FBXO4: variants seen among roughly 807,000 people sequenced by gnomAD.
The protein encoded by FBXO4 is F-box only protein 4.
In FBXO4, 36 loss-of-function variants were observed where a neutral mutation model predicts 43.7. That is an observed-to-expected ratio of 0.82 (90% CI 0.63 to 1.09). FBXO4 has a LOEUF of 1.09. Among genes scored for constraint, FBXO4 ranks in the 50% least tolerant of loss-of-function variants. The pLI is 0.00. For missense variants in FBXO4, 435 were observed against 474.1 expected (o/e 0.92, Z 0.77); for synonymous variants, 180 against 165.6 (o/e 1.09, Z -0.67).
At chr5:42,024,172 A>G in the FBXO4 span, among the ~76,000 whole-genome samples, 1 of 152,080 alleles carries the variant, frequency 6.6e-6, no homozygotes, top group Non-Finnish European at 1.5e-5. Context: ...GCTAAATGAA[A>G]ATTTAATCTA....
At chr5:41,942,970 A>G (rs1185164540), downstream of FBXO4, among the ~76,000 whole-genome samples, 1 of 152,164 alleles carries the variant, frequency 6.6e-6, no homozygotes, top group Non-Finnish European at 1.5e-5. Flanking sequence ...ACTAAATGCT[A>G]GCCTTTATGA....
intron 3 of FBXO4, among the ~76,000 whole-genome samples, chr5:41,932,707 T>TG (rs780828327): frequency 1.3e-5 from 2 of 152,112 alleles, no homozygotes; most frequent in Non-Finnish European, 2.9e-5. Flanking sequence ...TATAGGAGAC[T>TG]GGTTAGAAGT....
At chr5:41,984,004 C>A in the FBXO4 span, among the ~76,000 whole-genome samples, 2 of 151,924 alleles carry the variant, frequency 1.3e-5, no homozygotes, top group African/African-American at 2.4e-5. Flanking sequence ...AATATAATTT[C>A]ATATGTTCTT....
downstream of FBXO4, among the ~76,000 whole-genome samples, chr5:41,944,215 A>G (rs763701144): frequency 4.6e-5 from 7 of 152,216 alleles, no homozygotes; most frequent in Middle Eastern, 3.2e-3. Context: ...GGAAGTTCTT[A>G]TTTAACATAT....
the FBXO4 span, among the ~76,000 whole-genome samples, chr5:41,981,887 TATCCCTCCCC>T: frequency 6.6e-6 from 1 of 150,964 alleles, no homozygotes; most frequent in Non-Finnish European, 1.5e-5. Context: ...CTCCTAATGC[TATCCCTCCCC>T]CCTCCCCTCA....
At chr5:41,939,671 T>C (rs1751951149) in intron 6 of FBXO4, 55 bp downstream of exon 6, 1 of 1,392,706 alleles carries the variant, frequency 7.2e-7, no homozygotes, top group African/African-American at 1.4e-5. Flanking sequence ...CTATTTTCTA[T>C]TTGATTTTAT....
At chr5:41,973,024 T>C in the FBXO4 span, among the ~76,000 whole-genome samples, 3 of 152,328 alleles carry the variant, frequency 2.0e-5, no homozygotes, top group African/African-American at 4.8e-5. Flanking sequence ...AAAGATTTCA[T>C]GATGAAGACT....
chr5:42,036,880 C>T, the FBXO4 span, among the ~76,000 whole-genome samples: 1 of 151,874 alleles, frequency 6.6e-6, no homozygotes, highest in Non-Finnish European at 1.5e-5. Flanking sequence ...AGAACTTTAT[C>T]ATCTTAATAT....
At chr5:42,003,289 G>A in the FBXO4 span, among the ~76,000 whole-genome samples, 2 of 152,186 alleles carry the variant, frequency 1.3e-5, no homozygotes, top group African/African-American at 4.8e-5. Flanking sequence ...GTGTGATGAA[G>A]GATGCAGTGT....
intron 6 of FBXO4, among the ~76,000 whole-genome samples, chr5:41,939,940 C>T (rs1751961429): frequency 7.1e-6 from 1 of 140,554 alleles, no homozygotes; most frequent in Non-Finnish European, 1.5e-5. Context: ...ACCTCAACCT[C>T]TTGGGCTCAG....
chr5:41,948,890 G>T, the FBXO4 span, among the ~76,000 whole-genome samples: 1 of 152,036 alleles, frequency 6.6e-6, no homozygotes, highest in Non-Finnish European at 1.5e-5. Flanking sequence ...TCATCCTGGG[G>T]TTGCAAGGCT....
At chr5:41,950,614 G>A in the FBXO4 span, among the ~76,000 whole-genome samples, 6 of 152,172 alleles carry the variant, frequency 3.9e-5, no homozygotes, top group African/African-American at 1.4e-4. Context: ...CACTGTTGGT[G>A]GGAGTGTAAA....
chr5:41,979,880 A>G, the FBXO4 span, among the ~76,000 whole-genome samples: 2 of 152,206 alleles, frequency 1.3e-5, no homozygotes, highest in Admixed American at 1.3e-4. Context: ...TGCCCTTCAC[A>G]GACTTTCTTT....
chr5:41,939,191 A>G (rs1414812433), intron 5 of FBXO4: 4 of 329,120 alleles, frequency 1.2e-5, no homozygotes, highest in African/African-American at 2.1e-5. Flanking sequence ...CTATATGCCT[A>G]CATTTTGAAA....
chr5:41,960,043 G>A, the FBXO4 span, among the ~76,000 whole-genome samples: 386 of 151,862 alleles, frequency 2.5e-3, no homozygotes, highest in African/African-American at 8.0e-3. Flanking sequence ...CTTCATTAGC[G>A]TATTATAGTT....
the FBXO4 span, among the ~76,000 whole-genome samples, chr5:42,015,344 G>A: frequency 6.6e-6 from 1 of 152,172 alleles, no homozygotes; most frequent in Non-Finnish European, 1.5e-5. Flanking sequence ...TTTTCCTTTA[G>A]GAGACGTTGT....
the FBXO4 span, among the ~76,000 whole-genome samples, chr5:42,031,539 A>G: frequency 5.3e-5 from 8 of 151,470 alleles, no homozygotes; most frequent in African/African-American, 1.5e-4. Context: ...CAGCACACCA[A>G]CATGGCACAT....
the FBXO4 span, among the ~76,000 whole-genome samples, chr5:41,956,703 T>C: frequency 4.6e-5 from 7 of 151,280 alleles, no homozygotes; most frequent in East Asian, 1.9e-4. Flanking sequence ...GTAATTTTTT[T>C]TTCTTCTTCT....
the FBXO4 span, among the ~76,000 whole-genome samples, chr5:41,953,884 A>G: frequency 6.6e-6 from 1 of 152,112 alleles, no homozygotes; most frequent in African/African-American, 2.4e-5. Context: ...TTCATTGTAG[A>G]TTCTGGATAT....
Sources: allele counts gnomAD v4.1 joint callset (sites outside exome capture counted in the v4.1 genomes callset), GRCh38; gene constraint gnomAD v4.1.1; transcripts MANE v1.5; gene names NCBI Gene and HGNC (gene_info 2026-07-23, HGNC 2026-07-21).